Variants in RFX3 observed in about 807,000 individuals in gnomAD.
RFX3 encodes the protein transcription factor RFX3.
In RFX3, 14 loss-of-function variants were observed where a neutral mutation model predicts 98.6. The observed-to-expected ratio is 0.14, with a 90% CI of 0.09 to 0.22. RFX3 has a LOEUF of 0.22. RFX3 is among the 10% of genes least tolerant of loss of function. The pLI, the probability that RFX3 is intolerant of heterozygous loss-of-function variation, is 1.00. For missense variants in RFX3, 639 were observed against 926.9 expected (o/e 0.69, Z 4.03); for synonymous variants, 383 against 328.4 (o/e 1.17, Z -1.80).
At chr9:3,452,376 A>T in intron 1 of RFX3, 1 of 322,846 alleles carries the variant, frequency 3.1e-6, no homozygotes. Flanking sequence ...GAACTGCTTG[A>T]CACTAGGAGT....
intron 12 of RFX3, among the ~76,000 whole-genome samples, chr9:3,264,376 T>C (rs192880874): frequency 1.3e-5 from 2 of 152,212 alleles, no homozygotes; most frequent in African/African-American, 4.8e-5. Context: ...GTACGAGCAG[T>C]TGAATGATCA....
At chr9:3,443,311 A>G (rs929669146) in intron 1 of RFX3, among the ~76,000 whole-genome samples, 2 of 152,166 alleles carry the variant, frequency 1.3e-5, no homozygotes, top group African/African-American at 2.4e-5. Context: ...CTAGATATTA[A>G]GCCCAGCATC....
At chr9:3,263,400 CA>C (rs2131226311) in intron 12 of RFX3, among the ~76,000 whole-genome samples, 1 of 152,200 alleles carries the variant, frequency 6.6e-6, no homozygotes, top group South Asian at 2.1e-4. Flanking sequence ...AGTAGGGAAG[CA>C]AGAAAAATGT....
chr9:3,280,582 C>A (rs955291517), intron 7 of RFX3, among the ~76,000 whole-genome samples: 2 of 151,742 alleles, frequency 1.3e-5, no homozygotes, highest in Non-Finnish European at 2.9e-5. Context: ...AAGTCAAGAA[C>A]AATCACATTA....
At chr9:3,298,705 C>A (rs889576743) in intron 5 of RFX3, among the ~76,000 whole-genome samples, 2 of 151,774 alleles carry the variant, frequency 1.3e-5, no homozygotes, top group Admixed American at 1.3e-4. Flanking sequence ...CAATACCTCA[C>A]CCCATCTTCT....
chr9:3,460,968 T>C (rs1446157030), intron 1 of RFX3, among the ~76,000 whole-genome samples: 1 of 151,844 alleles, frequency 6.6e-6, no homozygotes, highest in Non-Finnish European at 1.5e-5. Flanking sequence ...TCACCAATTA[T>C]TTTTCTTATA....
At chr9:3,361,833 G>C (rs1563986083) in intron 2 of RFX3, among the ~76,000 whole-genome samples, 1 of 152,086 alleles carries the variant, frequency 6.6e-6, no homozygotes, top group Non-Finnish European at 1.5e-5. Flanking sequence ...TGTAGTCCTA[G>C]CTACTCAGGA....
intron 3 of RFX3, among the ~76,000 whole-genome samples, chr9:3,346,328 T>C (rs1318968128): frequency 1.3e-5 from 2 of 152,128 alleles, no homozygotes; most frequent in Non-Finnish European, 2.9e-5. Flanking sequence ...TGACCTCGTA[T>C]AATAAAACAA....
chr9:3,495,693 C>A (rs1256024654), intron 1 of RFX3, among the ~76,000 whole-genome samples: 4 of 152,068 alleles, frequency 2.6e-5, no homozygotes, highest in Non-Finnish European at 4.4e-5. Context: ...TCTTCCCACT[C>A]TTAAAATATC....
intron 1 of RFX3, among the ~76,000 whole-genome samples, chr9:3,502,087 T>TAAAA (rs750822802): frequency 2.2e-5 from 3 of 138,992 alleles, no homozygotes; most frequent in Non-Finnish European, 4.7e-5. Flanking sequence ...CCGTCTCCAC[T>TAAAA]AAAAAAAAAA....
chr9:3,452,797 G>A lies in RFX3; in HGVS notation c.-8-57201C>T, dbSNP rs183147394. Among the ~76,000 whole-genome samples the A allele has an allele frequency of 1.8e-3, 277 of 152,274 alleles. 1 individual carries two copies. The highest frequency in any genetic ancestry group is 6.2e-3 in the African/African-American group (258 of 41,580). On this transcript the variant is annotated intron_variant, in intron 1 of 16. Transcript: ENST00000617270. ...GCAACAAGAAATCCATTATTACACA[G>A]GGAATACTATAGGTTTCTGATTTCA...
chr9:3,368,395 G>T (rs1287225857), intron 2 of RFX3, among the ~76,000 whole-genome samples: 1 of 151,808 alleles, frequency 6.6e-6, no homozygotes, highest in Non-Finnish European at 1.5e-5. Context: ...TAAAACAAAA[G>T]AATAAATAAG....
intron 1 of RFX3, among the ~76,000 whole-genome samples, chr9:3,460,253 C>A (rs916128209): frequency 2.4e-4 from 37 of 151,974 alleles, no homozygotes; most frequent in African/African-American, 8.9e-4. Flanking sequence ...AGAAAAGATA[C>A]TAAATCTATT....
At chr9:3,509,946 G>C (rs1251663073) in intron 1 of RFX3, among the ~76,000 whole-genome samples, 2 of 151,916 alleles carry the variant, frequency 1.3e-5, no homozygotes, top group Non-Finnish European at 2.9e-5. Context: ...GAGGAGGAAG[G>C]AGGGGTTCAA....
intron 4 of RFX3, among the ~76,000 whole-genome samples, chr9:3,315,772 T>C (rs540766237): frequency 6.6e-6 from 1 of 152,298 alleles, no homozygotes; most frequent in East Asian, 1.9e-4. Context: ...CTAGAAAATC[T>C]AGAAGAAATG....
chr9:3,451,828 TAA>T (rs976518657), intron 1 of RFX3, among the ~76,000 whole-genome samples: 5 of 151,740 alleles, frequency 3.3e-5, no homozygotes, highest in African/African-American at 1.2e-4. Context: ...AGATGTATTT[TAA>T]AAGTTTTTTT....
intron 1 of RFX3, among the ~76,000 whole-genome samples, chr9:3,418,671 T>C (rs376632449): frequency 2.0e-5 from 3 of 152,208 alleles, no homozygotes; most frequent in African/African-American, 7.2e-5. Flanking sequence ...TGAGCCTCTG[T>C]GCCCGGCCAA....
intron 1 of RFX3, among the ~76,000 whole-genome samples, chr9:3,401,598 A>G (rs1384248278): frequency 6.6e-6 from 1 of 152,216 alleles, no homozygotes; most frequent in African/African-American, 2.4e-5. Flanking sequence ...AAACCCCTGC[A>G]GTTTGTCAAT....
Position 3,223,179 on chromosome 9 carries a change from T to A in RFX3, c.*1863A>T, listed in dbSNP as rs1187810392. On this transcript the variant is annotated 3_prime_UTR_variant, in exon 17 of 17. Coordinates refer to ENST00000617270, the MANE Select transcript of RFX3 (RefSeq NM_001282116.2). ...GCTTTCCTTTTTTTTGGCTTTATTA[T>A]CTATTTATTTTTGCTGATTAGTTTT... 1 of 152,176 alleles carries A rather than the reference T, an allele frequency of 6.6e-6. No individual in the cohort carries two copies. Among genetic ancestry groups the A allele is most frequent in the Admixed American group, 6.5e-5 (1 of 15,270 alleles). 9.4% of individuals were successfully genotyped at this position (152,176 alleles called of 1,614,324 possible).
Sources: gnomAD v4.1 joint callset for allele counts (sites outside exome capture counted in the v4.1 genomes callset) on GRCh38, gnomAD v4.1.1 for gene constraint, MANE v1.5 for transcripts, NCBI Gene and HGNC (gene_info 2026-07-23, HGNC 2026-07-21) for gene names.